The following PHACTR1 variants were observed in gnomAD, a reference collection of about 807,000 sequenced individuals.
PHACTR1 encodes phosphatase and actin regulator 1.
Under a neutral mutation model 69.2 loss-of-function variants are expected in PHACTR1, and 16 were observed. The ratio of observed to expected loss-of-function variants is 0.23; its 90% CI spans 0.16 to 0.35. The LOEUF (loss-of-function observed/expected upper bound fraction) is 0.35. Among genes scored for constraint, PHACTR1 ranks in the 10% least tolerant of loss-of-function variants. PHACTR1 has a pLI of 1.00. For missense variants in PHACTR1, 510 were observed against 734.7 expected, an observed-to-expected ratio of 0.69 and a Z score of 3.54; for synonymous variants, 312 against 284.5, an observed-to-expected ratio of 1.10 and a Z score of -0.97.
chr6:13,030,533 T>C (rs1465544130), intron 4 of PHACTR1, among the ~76,000 whole-genome samples: 1 of 152,264 alleles, frequency 6.6e-6, no homozygotes, highest in Non-Finnish European at 1.5e-5. Flanking sequence ...TTTTCACGTT[T>C]GGAATCAATT....
At chr6:12,739,567 T>C (rs1366989730) in intron 3 of PHACTR1, among the ~76,000 whole-genome samples, 2 of 152,102 alleles carry the variant, frequency 1.3e-5, no homozygotes. Flanking sequence ...TGAGACAGGG[T>C]CTCACTCTGT....
chr6:12,883,040 G>A (rs1467620197), intron 4 of PHACTR1, among the ~76,000 whole-genome samples: 2 of 152,152 alleles, frequency 1.3e-5, no homozygotes, highest in Non-Finnish European at 2.9e-5. Flanking sequence ...TGCTGCCCTG[G>A]GGGAAGTAAT....
chr6:13,077,591 C>T (rs565751776), intron 5 of PHACTR1, among the ~76,000 whole-genome samples: 109 of 152,296 alleles, frequency 7.2e-4, no homozygotes, highest in Non-Finnish European at 1.4e-3. Context: ...AAAGCAGTAA[C>T]AGCTACAGAG....
At chr6:12,959,176 C>CAAAAAAAAAAAAAAAAAAAAAAA (rs70989814) in intron 4 of PHACTR1, among the ~76,000 whole-genome samples, 3 of 46,246 alleles carry the variant, frequency 6.5e-5, no homozygotes, top group African/African-American at 1.9e-4. Context: ...GACTTTATCT[C>CAAAAAAAAAAAAAAAAAAAAAAA]AAAAAAAAAA....
At chr6:12,732,889 C>A (rs1295336882) in intron 3 of PHACTR1, among the ~76,000 whole-genome samples, 3 of 152,164 alleles carry the variant, frequency 2.0e-5, no homozygotes, top group South Asian at 4.1e-4. Flanking sequence ...GGTGACTTTG[C>A]CAGCTGGGTT....
At chr6:13,280,951 G>A (rs1345708798) in intron 12 of PHACTR1, 1 of 1,288,742 alleles carries the variant, frequency 7.8e-7, no homozygotes, top group Admixed American at 2.3e-5. Context: ...GCGTCCTGGT[G>A]GCCGTTTGTT....
chr6:12,971,141 C>A (rs1327427129), intron 4 of PHACTR1, among the ~76,000 whole-genome samples: 1 of 152,120 alleles, frequency 6.6e-6, no homozygotes, highest in East Asian at 1.9e-4. Context: ...TTAATGTAAC[C>A]CACTCATGTC....
At chr6:13,083,934 T>A (rs1811832280) in intron 5 of PHACTR1, among the ~76,000 whole-genome samples, 1 of 152,158 alleles carries the variant, frequency 6.6e-6, no homozygotes, top group African/African-American at 2.4e-5. Flanking sequence ...GAATGCCCTT[T>A]GTTCCCTTCT....
intron 4 of PHACTR1, among the ~76,000 whole-genome samples, chr6:12,983,214 CAA>C (rs749773023): frequency 3.9e-5 from 6 of 152,138 alleles, no homozygotes; most frequent in Non-Finnish European, 5.9e-5. Context: ...TTTCTATTCT[CAA>C]AAAGATTATG....
chr6:12,818,464 A>G (rs913344146), intron 4 of PHACTR1, among the ~76,000 whole-genome samples: 1 of 152,186 alleles, frequency 6.6e-6, no homozygotes, highest in Non-Finnish European at 1.5e-5. Flanking sequence ...AGGCAAGTAC[A>G]TTTCAAGTCT....
At chr6:13,197,047 C>T (rs1561978327) in intron 7 of PHACTR1, among the ~76,000 whole-genome samples, 1 of 152,208 alleles carries the variant, frequency 6.6e-6, no homozygotes, top group Admixed American at 6.5e-5. Flanking sequence ...AGCAACACTG[C>T]AGCTATATAA....
At chr6:12,929,958 C>A (rs1490841253) in intron 4 of PHACTR1, among the ~76,000 whole-genome samples, 1 of 152,060 alleles carries the variant, frequency 6.6e-6, no homozygotes, top group African/African-American at 2.4e-5. Context: ...TTTTTTTGCA[C>A]CACTTTTTTT....
chr6:13,080,997 A>T (rs1039744057), intron 5 of PHACTR1, among the ~76,000 whole-genome samples: 1 of 152,234 alleles, frequency 6.6e-6, no homozygotes, highest in African/African-American at 2.4e-5. Flanking sequence ...TGTTACATCA[A>T]CATTAAATCA....
chr6:12,831,968 T>G lies in PHACTR1; in HGVS notation c.250+82178T>G, dbSNP rs78896410. Among the ~76,000 whole-genome samples the G allele has an allele frequency of 4.8e-3, 729 of 152,178 alleles. 7 individuals carry two copies. Among genetic ancestry groups the G allele is most frequent in the African/African-American group, 0.016 (648 of 41,530 alleles). On this transcript the variant is annotated intron_variant, in intron 4 of 14. Transcript: ENST00000332995. ...TAAAAATCAAAATTTTAGCCAGGCT[T>G]GACGGTACATCCATCTGTAGTCACA...
chr6:12,949,131 G>A (rs1157042127), intron 4 of PHACTR1, among the ~76,000 whole-genome samples: 3 of 152,048 alleles, frequency 2.0e-5, no homozygotes, highest in African/African-American at 7.2e-5. Context: ...TTAGCCTGGT[G>A]TAGCAGTGCA....
intron 5 of PHACTR1, among the ~76,000 whole-genome samples, chr6:13,067,372 C>T (rs538028207): frequency 6.6e-6 from 1 of 152,246 alleles, no homozygotes; most frequent in South Asian, 2.1e-4. Flanking sequence ...GGGTGGAAAT[C>T]GATAATTCAG....
chr6:13,287,333 C>T lies in PHACTR1; in HGVS notation c.*255C>T, dbSNP rs775929786. 4 of 527,376 alleles carry T rather than the reference C, an allele frequency of 7.6e-6. No homozygotes were observed. The highest frequency in any genetic ancestry group is 5.9e-5 in the African/African-American group (3 of 51,228). 32.7% of individuals were successfully genotyped at this position (527,376 alleles called of 1,614,324 possible). The stretch of plus-strand genomic sequence containing the variant: ...CCAACCCCCGGCAGTGCCAAGGGCA[C>T]CAGCAGGGCCCTGACTGAAGACTGT... On this transcript the variant is annotated 3_prime_UTR_variant, in exon 15 of 15. Transcript: ENST00000332995.
chr6:13,145,929 A>G (rs1262157294), intron 5 of PHACTR1, among the ~76,000 whole-genome samples: 1 of 152,242 alleles, frequency 6.6e-6, no homozygotes, highest in Non-Finnish European at 1.5e-5. Context: ...AAAATATTGT[A>G]TCTTTAGTTC....
intron 4 of PHACTR1, among the ~76,000 whole-genome samples, chr6:12,817,914 C>T (rs946006254): frequency 6.6e-6 from 1 of 151,662 alleles, no homozygotes. Flanking sequence ...TGCTCTGCCT[C>T]CCGGGTTCAC....
Sources: allele counts gnomAD v4.1 joint callset (sites outside exome capture counted in the v4.1 genomes callset), GRCh38; gene constraint gnomAD v4.1.1; transcripts MANE v1.5; gene names NCBI Gene and HGNC (gene_info 2026-07-23, HGNC 2026-07-21).